Variants in TBC1D16 observed in about 807,000 individuals in gnomAD.
TBC1D16 encodes the protein CTD-2529O21.1.
TBC1D16 carries 58 observed loss-of-function variants against 74.7 expected under a neutral mutation model. The observed-to-expected ratio is 0.78, with a 90% confidence interval of 0.63 to 0.97. TBC1D16 has a LOEUF of 0.97. TBC1D16 is among the 50% of genes least tolerant of loss of function. TBC1D16 has a pLI of 0.00. For synonymous variants in TBC1D16, 493 were observed against 474.7 expected (o/e 1.04, Z -0.50); for missense variants, 1,014 against 1,079.5 (o/e 0.94, Z 0.85).
chr17:80,034,956 GGC>G lies in TBC1D16; in HGVS notation c.-63+837_-63+838del, dbSNP rs143555564. Among the ~76,000 whole-genome samples the G allele has an allele frequency of 3.3e-5, 5 of 152,334 alleles. No homozygotes were observed. In the East Asian group the frequency reaches 9.6e-4, roughly 29 times the overall value. ...TCTTCAGGATCAAGTCGCAGAGGCT[GGC>G]CAATCAGCCCAGCTTCTCATTTGAA... On this transcript the variant is annotated intron_variant, in intron 1 of 11. Coordinates refer to ENST00000310924, the MANE Select transcript of TBC1D16 (RefSeq NM_019020.4).
At chr17:79,958,857 C>T (rs990374361) in intron 3 of TBC1D16, among the ~76,000 whole-genome samples, 1 of 152,204 alleles carries the variant, frequency 6.6e-6, no homozygotes, top group African/African-American at 2.4e-5. Context: ...CCTCTGCTCC[C>T]ACCACTTCTA....
chr17:79,941,389 G>A lies in TBC1D16; in HGVS notation c.2056-282C>T, dbSNP rs1479535651. ...CCCTTGAATGGGCTTCATTCAGGAG[G>A]GTGAACAGGACCAACACCAGCACAG... On this transcript the variant is annotated intron_variant, in intron 11 of 11. Transcript: ENST00000310924. This position sits in a 1 kb window ranked among gnomAD's most constrained non-coding sequence, Gnocchi z 4.3. 6.6e-6 allele frequency among the ~76,000 whole-genome samples: 1 copy of A among 152,162 alleles called. No homozygotes were observed. Among genetic ancestry groups the A allele is most frequent in the Admixed American group, 6.5e-5 (1 of 15,286 alleles).
chr17:79,947,791 C>T lies in TBC1D16; in HGVS notation c.1582G>A (p.Gly528Ser), dbSNP rs757058413. The T allele has an allele frequency of 5.1e-5, 83 of 1,613,658 alleles. No individual in the cohort carries two copies. Among genetic ancestry groups the T allele is most frequent in the Middle Eastern group, 1.6e-4 (1 of 6,084 alleles). Reference sequence around the variant, plus strand: ...AGGTCCGACATCCCTTGGGAATAGCCGACGGCAGGGTTGTACACGGCGTAG... The same window carrying T: ...AGGTCCGACATCCCTTGGGAATAGCTGACGGCAGGGTTGTACACGGCGTAG... ...LNYAVYNPAV[G>S]YSQGMSDLVA... Residue 528 changes from glycine (G) to serine (S), a missense_variant, in exon 9 of 12, where the codon GGC (glycine) becomes AGC (serine). Transcript: ENST00000310924.
intron 1 of TBC1D16, among the ~76,000 whole-genome samples, chr17:80,024,516 ACGCACACCATGCACACAC>A (rs2036448013): frequency 6.0e-5 from 9 of 148,952 alleles, no homozygotes; most frequent in Middle Eastern, 3.5e-3. Context: ...TAGACAAACC[ACGCACACCATGCACACAC>A]CACACACCAT....
chr17:80,031,658 T>C lies in TBC1D16; in HGVS notation c.-63+4137A>G, dbSNP rs546008225. 1.4e-4 allele frequency among the ~76,000 whole-genome samples: 21 copies of C among 152,232 alleles called. No homozygotes were observed. The East Asian group carries it at 3.7e-3, about 27-fold the overall frequency. ...CCATCTGCCATTTGTGCACCCTTGA[T>C]AGTAGATTGTAAAATCCCATTTCCC... On this transcript the variant is annotated intron_variant, in intron 1 of 11. Coordinates refer to ENST00000310924, the MANE Select transcript of TBC1D16 (RefSeq NM_019020.4).
In TBC1D16 at chr17:79,952,775, T is replaced by C. The variant is rs1001630367; in HGVS notation, c.823A>G (p.Asn275Asp). 5 of 1,611,882 alleles carry C rather than the reference T, an allele frequency of 3.1e-6. No individual in the cohort carries two copies. The highest frequency in any genetic ancestry group is 1.1e-5 in the South Asian group (1 of 90,996). Reference sequence around the variant, plus strand: ...CAGCGTGGGGTCTGCAGGAGGCCGTTGCTGTCCGGGAACCGCAGGCCGGCG... The same window carrying C: ...CAGCGTGGGGTCTGCAGGAGGCCGTCGCTGTCCGGGAACCGCAGGCCGGCG... The part of the protein sequence containing the change: ...SDAGLRFPDS[N>D]GLLQTPRWDE... Residue 275 changes from asparagine (N) to aspartate (D), a missense_variant, in exon 4 of 12, where the codon AAC (asparagine) becomes GAC (aspartate). Asn to Asp is a conservative substitution (Grantham distance 23). Coordinates refer to ENST00000310924, the MANE Select transcript of TBC1D16 (RefSeq NM_019020.4).
chr17:79,983,570 G>A lies in TBC1D16; in HGVS notation c.779+26590C>T, dbSNP rs1037817486. Among the ~76,000 whole-genome samples, 9 of 152,204 alleles carry A rather than the reference G, an allele frequency of 5.9e-5. No individual in the cohort carries two copies. The highest frequency in any genetic ancestry group is 1.7e-4 in the African/African-American group (7 of 41,456). ...CTGAGCCACCGACGGCTACAAAGAC[G>A]GGGACGCTTTCCTAGGGCTCAAAGC... On this transcript the variant is annotated intron_variant, in intron 3 of 11. Coordinates refer to ENST00000310924, the MANE Select transcript of TBC1D16 (RefSeq NM_019020.4). The surrounding 1 kb of genome is among the most constrained non-coding windows in gnomAD (Gnocchi z 5.6).
intron 3 of TBC1D16, among the ~76,000 whole-genome samples, chr17:79,996,936 G>T (rs1598404620): frequency 6.6e-6 from 1 of 152,166 alleles, no homozygotes; most frequent in Non-Finnish European, 1.5e-5. Context: ...GGACCGTGGG[G>T]TGCTGCTACT....
At chr17:80,006,131 C>T (rs2035666904) in intron 3 of TBC1D16, among the ~76,000 whole-genome samples, 1 of 152,188 alleles carries the variant, frequency 6.6e-6, no homozygotes. Context: ...GATGGCCAGT[C>T]ATCTGGGGTC....
rs757792353 is a variant in TBC1D16 at position 79,961,040 on chromosome 17, T to C, written c.780-8222A>G. Reference sequence around the variant, plus strand: ...TGTGTGTGAATGTTTATAGCAGTTTTATTCATCATTGCAGAAAACAGGAAA... The same window carrying C: ...TGTGTGTGAATGTTTATAGCAGTTTCATTCATCATTGCAGAAAACAGGAAA... On this transcript the variant is annotated intron_variant, in intron 3 of 11. Coordinates refer to ENST00000310924, the MANE Select transcript of TBC1D16 (RefSeq NM_019020.4). The surrounding 1 kb of genome is among the most constrained non-coding windows in gnomAD (Gnocchi z 4.8). 7.9e-5 allele frequency among the ~76,000 whole-genome samples: 12 copies of C among 152,190 alleles called. No individual in the cohort carries two copies. The highest frequency in any genetic ancestry group is 1.6e-4 in the Non-Finnish European group (11 of 68,026).
At chr17:79,984,704 C>CAA (rs10528420) in intron 3 of TBC1D16, among the ~76,000 whole-genome samples, 22 of 106,262 alleles carry the variant, frequency 2.1e-4, no homozygotes, top group East Asian at 1.0e-3. Context: ...ACAGTAAAGG[C>CAA]AAAAAAAAAA....
rs142110374 is a variant in TBC1D16, at chr17:80,030,256, C to T, written c.-63+5539G>A. Among the ~76,000 whole-genome samples, 671 of 152,286 alleles carry T rather than the reference C, an allele frequency of 4.4e-3. 12 individuals carry two copies. Among genetic ancestry groups the T allele is most frequent in the Non-Finnish European group, 3.8e-3 (259 of 68,028 alleles). On this transcript the variant is annotated intron_variant, in intron 1 of 11. Coordinates refer to ENST00000310924, the MANE Select transcript of TBC1D16 (RefSeq NM_019020.4). ...AGGAGCTGATTTCCAACTCGCAGGG[C>T]GGCCTCTGACCTGCTCACCCACTGA...
intron 2 of TBC1D16, among the ~76,000 whole-genome samples, chr17:80,013,025 G>T (rs1162848043): frequency 7.2e-5 from 11 of 152,246 alleles, no homozygotes; most frequent in Non-Finnish European, 1.6e-4. Context: ...CCATGAGGTT[G>T]TTGTGCAAAT....
rs1330853278 is a variant in TBC1D16, at chr17:79,988,920, C to T, written c.779+21240G>A. ...CCCCAACCCGCACCTGCCCGCCGGC[C>T]CCAGGCCCTCCCTCAGGACCCAGCA... is the stretch of plus-strand genomic sequence containing the variant. On this transcript the variant is annotated intron_variant, in intron 3 of 11. Coordinates refer to ENST00000310924, the MANE Select transcript of TBC1D16 (RefSeq NM_019020.4). The surrounding 1 kb of genome is among the most constrained non-coding windows in gnomAD (Gnocchi z 5.7). 6.6e-6 allele frequency among the ~76,000 whole-genome samples: 1 copy of T among 152,196 alleles called. No individual in the cohort carries two copies. Among genetic ancestry groups the T allele is most frequent in the Non-Finnish European group, 1.5e-5 (1 of 68,044 alleles).
In TBC1D16 at chr17:79,940,084, G is replaced by A. The variant is rs1438779113; in HGVS notation, c.*775C>T. On this transcript the variant is annotated 3_prime_UTR_variant, in exon 12 of 12. Transcript: ENST00000310924. This position sits in a 1 kb window ranked among gnomAD's most constrained non-coding sequence, Gnocchi z 5.4. Reference sequence around the variant, plus strand: ...CTTAAACAACGCCAAGGAACCTCACGTAGAAGACCCCCAGCAAAGAAAAAG... The same window carrying A: ...CTTAAACAACGCCAAGGAACCTCACATAGAAGACCCCCAGCAAAGAAAAAG... 1.3e-5 allele frequency: 2 copies of A among 152,168 alleles called. No individual in the cohort carries two copies. Among genetic ancestry groups the A allele is most frequent in the Non-Finnish European group, 2.9e-5 (2 of 68,040 alleles). 9.4% of individuals were successfully genotyped at this position (152,168 alleles called of 1,614,324 possible). A position where few individuals can be genotyped will look rare whatever the true frequency, so the allele number is the denominator to read the frequency against.
At chr17:79,949,962 G>A in intron 6 of TBC1D16, 97 bp from the exon 7 acceptor site, 2 of 1,421,442 alleles carry the variant, frequency 1.4e-6, no homozygotes, top group Non-Finnish European at 1.9e-6. Context: ...TTTTTGGTGC[G>A]CCTTGATTCA....
chr17:79,976,284 C>T, intron 3 of TBC1D16, among the ~76,000 whole-genome samples: 1 of 152,330 alleles, frequency 6.6e-6, no homozygotes, highest in Non-Finnish European at 1.5e-5. Context: ...CCCAGGCTGT[C>T]TCTCTTGCAG....
At chr17:79,963,471 G>C in intron 3 of TBC1D16, among the ~76,000 whole-genome samples, 1 of 152,076 alleles carries the variant, frequency 6.6e-6, no homozygotes, top group East Asian at 1.9e-4. Context: ...GATGGACCGC[G>C]TTTTGTTTAT....
rs189686592 is a variant in TBC1D16, at chr17:79,968,746, G to T, written c.780-15928C>A. 1.8e-3 allele frequency among the ~76,000 whole-genome samples: 272 copies of T among 150,264 alleles called. 1 individual carries two copies. Among genetic ancestry groups the T allele is most frequent in the African/African-American group, 6.3e-3 (257 of 40,916 alleles). Reference sequence around the variant, plus strand: ...CGGGCGCCTGTAGTCCCAGCTAATCGGGAGGCTGAGGCAGGAGAATGGCAG... The same window carrying T: ...CGGGCGCCTGTAGTCCCAGCTAATCTGGAGGCTGAGGCAGGAGAATGGCAG... On this transcript the variant is annotated intron_variant, in intron 3 of 11. Coordinates refer to ENST00000310924, the MANE Select transcript of TBC1D16 (RefSeq NM_019020.4).
Sources: gnomAD v4.1 joint callset for allele counts (sites outside exome capture counted in the v4.1 genomes callset) on GRCh38, gnomAD v4.1.1 for gene constraint, Gnocchi (gnomAD v3.1) non-coding constraint, MANE v1.5 for transcripts, NCBI Gene and HGNC (gene_info 2026-07-23, HGNC 2026-07-21) for gene names.